Variants in JARID2 observed in about 807,000 individuals in gnomAD.
JARID2 encodes the protein protein Jumonji.
A neutral mutation model predicts 125.6 loss-of-function variants in JARID2; 21 were observed. The ratio of observed to expected loss-of-function variants is 0.17; its 90% confidence interval spans 0.12 to 0.24. The LOEUF (loss-of-function observed/expected upper bound fraction) is 0.24, where lower values mean the gene tolerates loss of function less well. JARID2 is among the 10% of genes least tolerant of loss of function. JARID2 has a pLI of 1.00. For synonymous variants in JARID2, 736 were observed against 661.6 expected (o/e 1.11, Z -1.73); for missense variants, 1,303 against 1,639.6 (o/e 0.79, Z 3.55).
chr6:15,281,656 C>A lies in JARID2; in HGVS notation c.45+35072C>A, dbSNP rs140319939. Among the ~76,000 whole-genome samples the A allele has an allele frequency of 1.3e-3, 201 of 152,316 alleles. 1 individual carries two copies. The highest frequency in any genetic ancestry group is 4.4e-3 in the African/African-American group (183 of 41,562). ...TGGCCTGTGATTTAGCTTTTTCTCACGTAACAATATCTCAAAGATCTTTCC... is the reference window on the plus strand; with the variant it reads ...TGGCCTGTGATTTAGCTTTTTCTCAAGTAACAATATCTCAAAGATCTTTCC... On this transcript the variant is annotated intron_variant, in intron 1 of 17. Coordinates refer to ENST00000341776, the MANE Select transcript of JARID2 (RefSeq NM_004973.4).
At chr6:15,376,116 G>A (rs1764343900) in intron 2 of JARID2, among the ~76,000 whole-genome samples, 1 of 152,182 alleles carries the variant, frequency 6.6e-6, no homozygotes, top group South Asian at 2.1e-4. Flanking sequence ...TGGCAAAGAT[G>A]CCCACATTGG....
intron 1 of JARID2, among the ~76,000 whole-genome samples, chr6:15,371,672 T>A (rs1764176295): frequency 6.6e-6 from 1 of 152,180 alleles, no homozygotes; most frequent in African/African-American, 2.4e-5. Context: ...GGTATTTGGG[T>A]TCCTCCATTT....
chr6:15,249,675 A>G (rs1759363334), intron 1 of JARID2, among the ~76,000 whole-genome samples: 1 of 152,230 alleles, frequency 6.6e-6, no homozygotes. Flanking sequence ...ATTGGTCTCA[A>G]AAGCCCGGGA....
chr6:15,327,443 G>A (rs1581416763), intron 1 of JARID2, among the ~76,000 whole-genome samples: 1 of 152,108 alleles, frequency 6.6e-6, no homozygotes, highest in Non-Finnish European at 1.5e-5. Context: ...GTGAGGCCAC[G>A]AGGGGGAGAT....
chr6:15,521,912 G>T lies in JARID2; in HGVS notation c.*1661G>T, dbSNP rs1266759157. The T allele has an allele frequency of 6.6e-6, 1 of 152,146 alleles. No homozygotes were observed. Among genetic ancestry groups the T allele is most frequent in the Admixed American group, 6.5e-5 (1 of 15,284 alleles). 9.4% of individuals were successfully genotyped at this position (152,146 alleles called of 1,614,324 possible). A position where few individuals can be genotyped will look rare whatever the true frequency, so the allele number is the denominator to read the frequency against. ...GTTTGACATTTAATTTATTAGCGCTGCTCTGCACCCCTCCCTTGGGAGGGA... is the reference window on the plus strand; with the variant it reads ...GTTTGACATTTAATTTATTAGCGCTTCTCTGCACCCCTCCCTTGGGAGGGA... On this transcript the variant is annotated 3_prime_UTR_variant, in exon 18 of 18. Coordinates refer to ENST00000341776, the MANE Select transcript of JARID2 (RefSeq NM_004973.4).
At chr6:15,396,050 A>G (rs972900727) in intron 2 of JARID2, among the ~76,000 whole-genome samples, 1 of 152,184 alleles carries the variant, frequency 6.6e-6, no homozygotes, top group Admixed American at 6.5e-5. Flanking sequence ...ATTTTACTTT[A>G]TACTATTGAG....
chr6:15,367,932 G>T (rs1012473019), intron 1 of JARID2, among the ~76,000 whole-genome samples: 2 of 152,052 alleles, frequency 1.3e-5, no homozygotes, highest in African/African-American at 4.8e-5. Flanking sequence ...CTGTTTTCTT[G>T]CACTAATGTA....
chr6:15,372,366 A>G (rs934502840), intron 1 of JARID2, among the ~76,000 whole-genome samples: 9 of 152,002 alleles, frequency 5.9e-5, no homozygotes, highest in Admixed American at 3.9e-4. Context: ...TGTTATTATT[A>G]TTATTATTTT....
intron 5 of JARID2, among the ~76,000 whole-genome samples, chr6:15,481,976 A>G (rs530461543): frequency 3.9e-5 from 6 of 152,284 alleles, no homozygotes; most frequent in East Asian, 1.9e-4. Context: ...TTTGCTGTCC[A>G]TAGTATTTTC....
intron 1 of JARID2, among the ~76,000 whole-genome samples, chr6:15,327,542 TG>T (rs1176428388): frequency 1.3e-5 from 2 of 151,166 alleles, no homozygotes; most frequent in East Asian, 1.9e-4. Flanking sequence ...TGTGTGTGTG[TG>T]TGTGTGTGCG....
chr6:15,264,040 C>T (rs1452415292), intron 1 of JARID2, among the ~76,000 whole-genome samples: 4 of 152,290 alleles, frequency 2.6e-5, no homozygotes, highest in East Asian at 1.9e-4. Context: ...ACTAGAGCTG[C>T]GCTTCACCAT....
intron 6 of JARID2, among the ~76,000 whole-genome samples, chr6:15,489,930 C>T (rs546867840): frequency 6.6e-6 from 1 of 152,216 alleles, no homozygotes; most frequent in African/African-American, 2.4e-5. Flanking sequence ...TGGGTTGACC[C>T]ATGGCTCCAG....
At chr6:15,501,442 T>G in intron 8 of JARID2, 33 bp downstream of exon 8, 1 of 1,511,740 alleles carries the variant, frequency 6.6e-7, no homozygotes, top group Non-Finnish European at 8.8e-7. Flanking sequence ...CACTCCCAGC[T>G]GCAGGAGTGC....
At chr6:15,341,385 C>T (rs561760651) in intron 1 of JARID2, among the ~76,000 whole-genome samples, 2 of 152,310 alleles carry the variant, frequency 1.3e-5, no homozygotes, top group African/African-American at 4.8e-5. Flanking sequence ...GGTCTAGAAG[C>T]AGAGGGGCTT....
chr6:15,393,209 A>AG (rs1561833525), intron 2 of JARID2, among the ~76,000 whole-genome samples: 1 of 151,908 alleles, frequency 6.6e-6, no homozygotes, highest in Non-Finnish European at 1.5e-5. Flanking sequence ...AAAGTTAAAA[A>AG]AATTGATATT....
At chr6:15,420,042 G>T (rs968046040) in intron 3 of JARID2, among the ~76,000 whole-genome samples, 1 of 152,060 alleles carries the variant, frequency 6.6e-6, no homozygotes, top group Non-Finnish European at 1.5e-5. Flanking sequence ...TCTGTATGTT[G>T]CATTTTAGAT....
chr6:15,422,170 T>G (rs1200004286), intron 3 of JARID2, among the ~76,000 whole-genome samples: 1 of 152,166 alleles, frequency 6.6e-6, no homozygotes, highest in Non-Finnish European at 1.5e-5. Flanking sequence ...CTCAGCTGAC[T>G]GTTGTTTCAG....
At chr6:15,394,624 C>A (rs1430696046) in intron 2 of JARID2, among the ~76,000 whole-genome samples, 1 of 150,164 alleles carries the variant, frequency 6.7e-6, no homozygotes, top group Non-Finnish European at 1.5e-5. Context: ...ATGAACAAGA[C>A]TAAATCTTCT....
chr6:15,458,087 C>CG (rs1193584808), intron 4 of JARID2, among the ~76,000 whole-genome samples: 3 of 152,140 alleles, frequency 2.0e-5, no homozygotes, highest in African/African-American at 7.2e-5. Context: ...CTGGCACACG[C>CG]GGGGAAGAGG....
Sources: allele counts gnomAD v4.1 joint callset (sites outside exome capture counted in the v4.1 genomes callset), GRCh38; gene constraint gnomAD v4.1.1; transcripts MANE v1.5; gene names NCBI Gene and HGNC (gene_info 2026-07-23, HGNC 2026-07-21).